Variants in INTS3 observed in about 807,000 individuals in gnomAD.
INTS3 encodes the protein integrator complex subunit 3.
In INTS3, 34 loss-of-function variants were observed where a neutral mutation model predicts 146.3. That is an observed-to-expected ratio of 0.23 (90% CI 0.18 to 0.31). INTS3 has a LOEUF of 0.31. Ranked by LOEUF, INTS3 falls within the 10% of genes least tolerant of loss-of-function variation. INTS3 has a pLI of 1.00. For synonymous variants in INTS3, 475 were observed against 494.9 expected (o/e 0.96, Z 0.53); for missense variants, 757 against 1,304.2 (o/e 0.58, Z 6.46).
At chr1:153,759,399 T>C in intron 10 of INTS3, 127 bp from the exon 11 acceptor site, 1 of 724,970 alleles carries the variant, frequency 1.4e-6, no homozygotes, top group Non-Finnish European at 2.5e-6. Flanking sequence ...CATTTCACCG[T>C]GTTTCACTAG....
Position 153,760,941 on chromosome 1 carries a change from G to C in INTS3, c.1409+23G>C, listed in dbSNP as rs757923619. ...GGCGTAAGGAATTTGGTGGGGGAAG[G>C]AGGTTGTTTTCCCATTTTTCATTAG... On this transcript the variant is annotated intron_variant, in intron 13 of 29. Transcript: ENST00000318967. 26 of 1,605,652 alleles carry C rather than the reference G, an allele frequency of 1.6e-5. No homozygotes were observed. The South Asian group carries it at 2.5e-4, about 16-fold the overall frequency.
intron 3 of INTS3, among the ~76,000 whole-genome samples, chr1:153,745,349 G>A (rs537176048): frequency 6.6e-6 from 1 of 152,074 alleles, no homozygotes; most frequent in East Asian, 1.9e-4. Context: ...TAGAGATGGA[G>A]TTTCACCATG....
At chr1:153,730,610 T>G (rs933426533) in intron 1 of INTS3, among the ~76,000 whole-genome samples, 2 of 152,184 alleles carry the variant, frequency 1.3e-5, no homozygotes, top group African/African-American at 4.8e-5. Context: ...GTGACGTGTT[T>G]GCTACTAAAT....
rs1412859612 is a variant in INTS3 at position 153,774,195 on chromosome 1, C to T, written c.*925C>T. ...TCCCCCTTTCCCTTCCTGTTCTGCCCCCACTTTTGTCTAGAGCAGAAGGGA... is the reference window on the plus strand; with the variant it reads ...TCCCCCTTTCCCTTCCTGTTCTGCCTCCACTTTTGTCTAGAGCAGAAGGGA... On this transcript the variant is annotated 3_prime_UTR_variant, in exon 30 of 30. Transcript: ENST00000318967. 1.3e-5 allele frequency: 2 copies of T among 152,110 alleles called. No individual in the cohort carries two copies. Among genetic ancestry groups the T allele is most frequent in the African/African-American group, 4.8e-5 (2 of 41,392 alleles). 9.4% of individuals were successfully genotyped at this position (152,110 alleles called of 1,614,324 possible).
intron 3 of INTS3, among the ~76,000 whole-genome samples, chr1:153,745,832 A>G (rs78414470): frequency 0.034 from 5,132 of 152,210 alleles, 200 homozygotes; most frequent in African/African-American, 0.092. Context: ...TCAGCTGGGT[A>G]TGGTTGCTCA....
At chr1:153,732,012 A>T (rs1041651421) in intron 1 of INTS3, among the ~76,000 whole-genome samples, 1 of 141,974 alleles carries the variant, frequency 7.0e-6, no homozygotes, top group African/African-American at 2.7e-5. Context: ...GGTTCAAGCG[A>T]TTCTCCTGCC....
intron 1 of INTS3, among the ~76,000 whole-genome samples, chr1:153,737,884 G>C (rs529675877): frequency 4.3e-4 from 66 of 152,118 alleles, no homozygotes; most frequent in Admixed American, 9.2e-4. Flanking sequence ...TTAACATTTT[G>C]GGGGGACATT....
intron 3 of INTS3, among the ~76,000 whole-genome samples, chr1:153,744,184 C>T (rs1159986586): frequency 6.6e-6 from 1 of 152,004 alleles, no homozygotes; most frequent in Non-Finnish European, 1.5e-5. Flanking sequence ...CATTTGTTAC[C>T]AGCAGTTGTG....
chr1:153,747,057 C>T lies in INTS3; in HGVS notation c.419C>T (p.Thr140Ile), dbSNP rs756345533. 3.7e-6 allele frequency: 6 copies of T among 1,608,014 alleles called. No homozygotes were observed. The African/African-American group carries it at 8.0e-5, about 21-fold the overall frequency. ...LMEKYLKLQD[T>I]CRTQLVWLVR... ...GAGAAGTACCTGAAGCTGCAGGATA[C>T]CTGCCGTACTCAGGTAAGGCCAGAA... The change falls in exon 4 of 30, where the codon ACC becomes ATC. Residue 140 changes from threonine to isoleucine, a missense_variant. By Grantham distance (89) the Thr-to-Ile change is moderately conservative. This residue lies in a region of INTS3 where 160 missense variants were observed against 193.7 expected (regional missense o/e 0.83). Transcript: ENST00000318967.
chr1:153,770,360 A>G lies in INTS3; in HGVS notation c.2503+49A>G, dbSNP rs189980311. ...GCACATCAGATATGACACTTCCTAT[A>G]CAGTTAGGGCAAGGCTGAGGCCTCT... is the stretch of plus-strand genomic sequence containing the variant. On this transcript the variant is annotated intron_variant, in intron 24 of 29. Coordinates refer to ENST00000318967, the MANE Select transcript of INTS3 (RefSeq NM_023015.5). 93 of 1,162,752 alleles carry G rather than the reference A, an allele frequency of 8.0e-5. No homozygotes were observed. In the East Asian group the frequency reaches 2.0e-3, roughly 25 times the overall value. The allele number at this position is 1,162,752 out of a possible 1,614,324, so 72.0% of individuals were successfully genotyped here.
At chr1:153,733,557 A>T (rs1325041595) in intron 1 of INTS3, among the ~76,000 whole-genome samples, 2 of 150,622 alleles carry the variant, frequency 1.3e-5, no homozygotes, top group Non-Finnish European at 3.0e-5. Flanking sequence ...TTTTCTGAAG[A>T]TGGGGAATTT....
chr1:153,769,028 T>C (rs995141624), intron 22 of INTS3, 67 bp downstream of exon 22: 19 of 1,293,774 alleles, frequency 1.5e-5, no homozygotes, highest in Non-Finnish European at 2.0e-5. Context: ...GGGCCTCTGC[T>C]CTCCCTCCAG....
intron 1 of INTS3, among the ~76,000 whole-genome samples, chr1:153,735,063 G>C (rs756354525): frequency 1.3e-5 from 2 of 152,208 alleles, no homozygotes; most frequent in South Asian, 4.2e-4. Context: ...AACCTCCTGG[G>C]CTCAAATGAT....
At chr1:153,738,276 A>T (rs1671377723) in intron 1 of INTS3, among the ~76,000 whole-genome samples, 1 of 151,708 alleles carries the variant, frequency 6.6e-6, no homozygotes, top group African/African-American at 2.4e-5. Flanking sequence ...TTTTTTTCTT[A>T]TTTATAGAGA....
At chr1:153,752,866 C>A (rs559450702) in intron 8 of INTS3, among the ~76,000 whole-genome samples, 65 of 152,244 alleles carry the variant, frequency 4.3e-4, no homozygotes, top group Non-Finnish European at 7.6e-4. Flanking sequence ...CCAGCTTGGG[C>A]AAAATCCACT....
chr1:153,752,770 G>A (rs76921456), intron 8 of INTS3, among the ~76,000 whole-genome samples: 1,848 of 152,220 alleles, frequency 0.012, 36 homozygotes, highest in African/African-American at 0.042. Context: ...AGGTCAACTC[G>A]TGAGACTGAG....
chr1:153,735,161 G>A (rs776455893), intron 1 of INTS3, among the ~76,000 whole-genome samples: 1 of 152,050 alleles, frequency 6.6e-6, no homozygotes, highest in African/African-American at 2.4e-5. Context: ...TAGAGACAGC[G>A]GCTTCACTAT....
intron 20 of INTS3, chr1:153,767,268 T>C (rs976358159): frequency 6.0e-6 from 1 of 167,994 alleles, no homozygotes; most frequent in African/African-American, 2.4e-5. Flanking sequence ...TGTGTGGCTT[T>C]AATTCTTACA....
chr1:153,741,793 G>T (rs1040158758), intron 3 of INTS3, among the ~76,000 whole-genome samples: 10 of 152,314 alleles, frequency 6.6e-5, no homozygotes, highest in Non-Finnish European at 1.2e-4. Flanking sequence ...GGATTTAGAT[G>T]AGACAGCTTA....
Sources: allele counts gnomAD v4.1 joint callset (sites outside exome capture counted in the v4.1 genomes callset), GRCh38; gene constraint gnomAD v4.1.1; regional missense constraint gnomAD v4.1.1; transcripts MANE v1.5; gene names NCBI Gene and HGNC (gene_info 2026-07-23, HGNC 2026-07-21).